DCLRE1A: variants seen among roughly 807,000 people sequenced by gnomAD.
DCLRE1A encodes DNA cross-link repair 1A protein.
In DCLRE1A, 64 loss-of-function variants were observed where a neutral mutation model predicts 91.9. The observed-to-expected ratio is 0.70, with a 90% CI of 0.57 to 0.86. The LOEUF (loss-of-function observed/expected upper bound fraction) is 0.86. Among genes scored for constraint, DCLRE1A ranks in the 40% least tolerant of loss-of-function variants. DCLRE1A has a pLI of 0.00. For missense variants in DCLRE1A, 1,145 were observed against 1,213.3 expected (o/e 0.94, Z 0.84); for synonymous variants, 416 against 431.1 (o/e 0.96, Z 0.43).
chr10:113,835,942 T>A lies in DCLRE1A; in HGVS notation c.2963-630A>T, dbSNP rs1056081540. On this transcript the variant is annotated intron_variant, in intron 8 of 8. Transcript: ENST00000361384. Reference sequence around the variant, plus strand: ...CAGCAAGACTCTTGTCTCAAAAAATTAAAAAAAAATAATAAGATAGTGAGT... The same window carrying A: ...CAGCAAGACTCTTGTCTCAAAAAATAAAAAAAAAATAATAAGATAGTGAGT... Among the ~76,000 whole-genome samples, 9 of 151,116 alleles carry A rather than the reference T, an allele frequency of 6.0e-5. No individual in the cohort carries two copies. The East Asian group carries it at 1.2e-3, about 20-fold the overall frequency.
intron 1 of DCLRE1A, among the ~76,000 whole-genome samples, chr10:113,852,027 A>G (rs1438680524): frequency 6.6e-6 from 1 of 152,104 alleles, no homozygotes; most frequent in Non-Finnish European, 1.5e-5. Flanking sequence ...ATAATTTTCT[A>G]TGGAGTTCCA....
chr10:113,849,383 C>T lies in DCLRE1A; in HGVS notation c.1722G>A (p.Leu574=). The part of the protein sequence containing the change: ...GLPPKRKEEK[L]LGESALEGIN... Reference sequence around the variant, plus strand: ...TCCCTTCTAATGCACTTTCCCCTAGCAATTTCTCTTCCTTTCTTTTGGGAG... The same window carrying T: ...TCCCTTCTAATGCACTTTCCCCTAGTAATTTCTCTTCCTTTCTTTTGGGAG... Residue 574 remains leucine, a synonymous_variant, in exon 2 of 9, where the codon TTG becomes TTA. Coordinates refer to ENST00000361384, the MANE Select transcript of DCLRE1A (RefSeq NM_014881.5). 6.2e-7 allele frequency: 1 copy of T among 1,613,846 alleles called. No homozygotes were observed.
chr10:113,849,064 G>A lies in DCLRE1A; in HGVS notation c.2041C>T (p.Gln681Ter). The change falls in exon 2 of 9, where the codon CAA (glutamine) becomes TAA (stop). Residue 681 changes from glutamine (Q) to a stop codon, truncating the protein, a stop_gained. Transcript: ENST00000361384. LOFTEE classifies it high-confidence loss of function. ...TCTGGGATTTTCTTGTTGCCCCTTT[G>A]CAGCCCACCATGAGCTGATTTTGTG... Reference protein sequence around the residue: ...VFTKSAHGGLQRGNKKIPESS... With the variant: ...VFTKSAHGGL 6.2e-7 allele frequency: 1 copy of A among 1,614,016 alleles called. No homozygotes were observed.
In DCLRE1A at chr10:113,849,859, C is replaced by G. The variant is rs774667819; in HGVS notation, c.1246G>C (p.Gly416Arg). Residue 416 changes from glycine (G) to arginine (R), a missense_variant, in exon 2 of 9, where the codon GGG (glycine) becomes CGG (arginine). By Grantham distance (125) the Gly-to-Arg change is moderately radical (BLOSUM62 -2). Coordinates refer to ENST00000361384, the MANE Select transcript of DCLRE1A (RefSeq NM_014881.5). ...DFVLFPPALA[G>R]KLAASVHQAT... Reference sequence around the variant, plus strand: ...TGATGAACAGAAGCAGCAAGCTTCCCTGCCAATGCAGGTGGAAACAACACA... The same window carrying G: ...TGATGAACAGAAGCAGCAAGCTTCCGTGCCAATGCAGGTGGAAACAACACA... The G allele has an allele frequency of 3.7e-6, 6 of 1,613,998 alleles. No homozygotes were observed. In the South Asian group the frequency reaches 6.6e-5, roughly 18 times the overall value.
chr10:113,850,127 GGTAAAAAACA>G lies in DCLRE1A; in HGVS notation c.968_977del (p.Leu323ProfsTer27). Reference sequence around the variant, plus strand: ...CGAGGCTGCCATCTTTTGAGCTTTCGGTAAAAAACAGTTGTTCTTGTGAATCATCCGGTTT... The same window carrying G: ...CGAGGCTGCCATCTTTTGAGCTTTCGGTTGTTCTTGTGAATCATCCGGTTT... On this transcript the variant is annotated frameshift_variant, in exon 2 of 9. Coordinates refer to ENST00000361384, the MANE Select transcript of DCLRE1A (RefSeq NM_014881.5). LOFTEE classifies it high-confidence loss of function. 1 of 1,613,960 alleles carries G rather than the reference GGTAAAAAACA, an allele frequency of 6.2e-7. No homozygotes were observed. The highest frequency in any genetic ancestry group is 8.5e-7 in the Non-Finnish European group (1 of 1,179,980).
intron 7 of DCLRE1A, among the ~76,000 whole-genome samples, chr10:113,840,753 T>C (rs185334673): frequency 7.9e-5 from 12 of 152,356 alleles, no homozygotes; most frequent in Non-Finnish European, 1.3e-4. Context: ...CATTGTTTCA[T>C]GCATTATGTT....
In DCLRE1A at chr10:113,835,173, C is replaced by G. The variant is rs756876399; in HGVS notation, c.3102G>C (p.Trp1034Cys). Residue 1034 changes from tryptophan (W) to cysteine (C), a missense_variant, in exon 9 of 9, where the codon TGG becomes TGC. Physicochemically the swap from Trp to Cys is radical, Grantham distance 215. Coordinates refer to ENST00000361384, the MANE Select transcript of DCLRE1A (RefSeq NM_014881.5). ...ATCATCAATATCCAGCTTCCAATTT[C>G]CACTCTCTAAAATATTTCTCCATTG... ...RSTMEKYFRE[W>C]KLEAGY 2 of 1,613,524 alleles carry G rather than the reference C, an allele frequency of 1.2e-6. No individual in the cohort carries two copies. The highest frequency in any genetic ancestry group is 2.7e-5 in the African/African-American group (2 of 74,900).
chr10:113,840,468 C>T (rs1277946545), intron 7 of DCLRE1A, among the ~76,000 whole-genome samples: 1 of 152,126 alleles, frequency 6.6e-6, no homozygotes, highest in Non-Finnish European at 1.5e-5. Flanking sequence ...AGAGGTGGCC[C>T]TCTTCCTGTT....
intron 1 of DCLRE1A, among the ~76,000 whole-genome samples, chr10:113,851,892 T>G (rs994091499): frequency 2.0e-5 from 3 of 152,070 alleles, no homozygotes; most frequent in Admixed American, 6.5e-5. Context: ...TAATTTTTTT[T>G]GTAAAGATGG....
chr10:113,846,673 C>A (rs1356224269), intron 3 of DCLRE1A, among the ~76,000 whole-genome samples: 1 of 152,126 alleles, frequency 6.6e-6, no homozygotes, highest in Admixed American at 6.5e-5. Context: ...TGCTCAAGTC[C>A]TTTATACAAA....
At chr10:113,839,250 G>C (rs183981972) in intron 7 of DCLRE1A, among the ~76,000 whole-genome samples, 1 of 149,606 alleles carries the variant, frequency 6.7e-6, no homozygotes, top group African/African-American at 2.5e-5. Context: ...GCATGAACCC[G>C]GGAGGTGGAG....
chr10:113,844,054 G>A, intron 5 of DCLRE1A, 50 bp downstream of exon 5: 2 of 1,608,018 alleles, frequency 1.2e-6, no homozygotes, highest in Non-Finnish European at 1.7e-6. Context: ...AATACAGAGA[G>A]CAAAGGCTGT....
At chr10:113,845,607 A>G in intron 4 of DCLRE1A, 78 bp downstream of exon 4, 1 of 1,085,290 alleles carries the variant, frequency 9.2e-7, no homozygotes, top group Non-Finnish European at 1.4e-6. Flanking sequence ...TTATAATGAA[A>G]AAAGTTATTA....
Position 113,853,079 on chromosome 10 carries a change from A to C in DCLRE1A, c.104T>G (p.Val35Gly), listed in dbSNP as rs1845686978. Residue 35 changes from valine to glycine, a missense_variant, in exon 1 of 9, where the codon GTT (valine) becomes GGT (glycine). Coordinates refer to ENST00000361384, the MANE Select transcript of DCLRE1A (RefSeq NM_014881.5). ...NNGSKNILKSVEKATDGKYQS... is the reference protein window; with the variant it reads ...NNGSKNILKSGEKATDGKYQS... Reference sequence around the variant, plus strand: ...GTATTTTCCATCTGTTGCTTTTTCAACAGATTTTAGAATATTTTTAGAGCC... The same window carrying C: ...GTATTTTCCATCTGTTGCTTTTTCACCAGATTTTAGAATATTTTTAGAGCC... 6.2e-7 allele frequency: 1 copy of C among 1,612,078 alleles called. No homozygotes were observed. The highest frequency in any genetic ancestry group is 2.2e-5 in the East Asian group (1 of 44,876).
chr10:113,845,855 A>G (rs1401729429), intron 3 of DCLRE1A, 52 bp from the exon 4 acceptor site: 3 of 1,380,276 alleles, frequency 2.2e-6, no homozygotes, highest in Middle Eastern at 1.8e-4. Context: ...TAAATATTTT[A>G]TTTCATATCT....
intron 7 of DCLRE1A, among the ~76,000 whole-genome samples, chr10:113,840,433 G>A (rs1248975145): frequency 6.6e-6 from 1 of 152,212 alleles, no homozygotes; most frequent in African/African-American, 2.4e-5. Flanking sequence ...AGAGTGGTAG[G>A]TTGTGACGGA....
chr10:113,843,357 T>A (rs187010402), intron 5 of DCLRE1A, among the ~76,000 whole-genome samples: 3 of 152,304 alleles, frequency 2.0e-5, no homozygotes, highest in South Asian at 2.1e-4. Flanking sequence ...AGGGTTTTTT[T>A]AAAAACTTAT....
At chr10:113,850,802 G>T (rs1845637620) in intron 1 of DCLRE1A, among the ~76,000 whole-genome samples, 158 bp from the exon 2 acceptor site, 1 of 152,128 alleles carries the variant, frequency 6.6e-6, no homozygotes, top group Admixed American at 6.5e-5. Flanking sequence ...TTGATACACT[G>T]AACAAGTTTT....
intron 5 of DCLRE1A, 41 bp downstream of exon 5, chr10:113,844,063 G>C: frequency 6.2e-7 from 1 of 1,610,514 alleles, no homozygotes; most frequent in Non-Finnish European, 8.5e-7. Flanking sequence ...AGCAAAGGCT[G>C]TCAGTGGGAA....
Sources: gnomAD v4.1 joint callset for allele counts (sites outside exome capture counted in the v4.1 genomes callset) on GRCh38, gnomAD v4.1.1 for gene constraint, MANE v1.5 for transcripts, NCBI Gene and HGNC (gene_info 2026-07-23, HGNC 2026-07-21) for gene names.